Variants in PCDH15 observed in about 807,000 individuals in gnomAD.
The protein encoded by PCDH15 is protocadherin-15.
PCDH15 carries 129 observed loss-of-function variants against 178.5 expected under a neutral mutation model. The ratio of observed to expected loss-of-function variants is 0.72; its 90% CI spans 0.63 to 0.84. The LOEUF (loss-of-function observed/expected upper bound fraction) is 0.84. Among genes scored for constraint, PCDH15 ranks in the 40% least tolerant of loss-of-function variants. The probability of loss-of-function intolerance (pLI) is 0.00; values close to 1 mark genes in which losing one functional copy is unlikely to be tolerated. For missense variants in PCDH15, 2,230 were observed against 2,099.9 expected, an observed-to-expected ratio of 1.06 and a Z score of -1.21; for synonymous variants, 800 against 732.0, an observed-to-expected ratio of 1.09 and a Z score of -1.50.
At chr10:55,275,690 G>T (rs1240276197) in intron 1 of PCDH15, among the ~76,000 whole-genome samples, 4 of 148,058 alleles carry the variant, frequency 2.7e-5, no homozygotes, top group Non-Finnish European at 5.9e-5. Context: ...CTTGAAATCA[G>T]TAGGACTTGT....
chr10:55,359,775 T>TAA (rs1213299490), intron 2 of PCDH15, among the ~76,000 whole-genome samples: 122 of 147,194 alleles, frequency 8.3e-4, no homozygotes, highest in African/African-American at 2.7e-3. Flanking sequence ...CACACACATA[T>TAA]ATATATATAA....
intron 30 of PCDH15, chr10:53,831,095 A>G: frequency 1.3e-6 from 1 of 753,218 alleles, no homozygotes; most frequent in Middle Eastern, 2.3e-4. Flanking sequence ...AGACCGAATT[A>G]GAATCACAGG....
intron 1 of PCDH15, among the ~76,000 whole-genome samples, chr10:55,221,236 T>C (rs1840866851): frequency 6.6e-6 from 1 of 152,068 alleles, no homozygotes; most frequent in African/African-American, 2.4e-5. Context: ...GAATTCAGAA[T>C]GTGGTTGTCT....
At chr10:54,579,992 A>G (rs557288498) in intron 2 of PCDH15, among the ~76,000 whole-genome samples, 1 of 152,148 alleles carries the variant, frequency 6.6e-6, no homozygotes, top group African/African-American at 2.4e-5. Flanking sequence ...GAACATTTAC[A>G]GCACTAAGTG....
At chr10:54,489,817 A>T (rs531627286) in intron 3 of PCDH15, among the ~76,000 whole-genome samples, 7 of 152,186 alleles carry the variant, frequency 4.6e-5, no homozygotes, top group Non-Finnish European at 1.0e-4. Flanking sequence ...TGCCATAGCC[A>T]TTTAATTCTG....
At chr10:54,819,713 A>G (rs1953005908) in intron 3 of PCDH15, among the ~76,000 whole-genome samples, 1 of 152,030 alleles carries the variant, frequency 6.6e-6, no homozygotes, top group Admixed American at 6.6e-5. Context: ...AAATTACATT[A>G]AGCCATTACT....
chr10:55,515,592 C>T (rs1840993888), intron 2 of PCDH15, among the ~76,000 whole-genome samples: 1 of 151,668 alleles, frequency 6.6e-6, no homozygotes, highest in South Asian at 2.1e-4. Flanking sequence ...TTATGAAATT[C>T]ACAATTTAAG....
intron 2 of PCDH15, among the ~76,000 whole-genome samples, chr10:55,617,711 T>A (rs1843507621): frequency 6.6e-6 from 1 of 152,058 alleles, no homozygotes. Context: ...TTATCCTAAT[T>A]ATCTGTCTGA....
At chr10:55,591,306 G>A (rs2132132046) in intron 2 of PCDH15, among the ~76,000 whole-genome samples, 1 of 152,114 alleles carries the variant, frequency 6.6e-6, no homozygotes, top group South Asian at 2.1e-4. Context: ...ATAATGGTGT[G>A]CACCGATAGC....
intron 1 of PCDH15, among the ~76,000 whole-genome samples, chr10:54,724,213 A>G (rs11004503): frequency 0.047 from 7,152 of 151,760 alleles, 229 homozygotes; most frequent in Middle Eastern, 0.088. Context: ...GCCATTAAAA[A>G]GAATAAAATT....
chr10:54,421,889 CACACACTATATATATATAT>C (rs1333099354), intron 3 of PCDH15, among the ~76,000 whole-genome samples: 1 of 108,140 alleles, frequency 9.2e-6, no homozygotes, highest in Non-Finnish European at 1.9e-5. Flanking sequence ...TATATACACA[CACACACTATATATATATAT>C]ACACTATATA....
intron 28 of PCDH15, among the ~76,000 whole-genome samples, chr10:53,841,947 GAAA>G (rs539058922): frequency 9.9e-6 from 1 of 100,860 alleles, no homozygotes; most frequent in Non-Finnish European, 2.1e-5. Flanking sequence ...TCTCCAAAGG[GAAA>G]AAAAAAAAAA....
chr10:54,380,015 A>G (rs1565129713), intron 3 of PCDH15, among the ~76,000 whole-genome samples: 1 of 152,116 alleles, frequency 6.6e-6, no homozygotes, highest in Non-Finnish European at 1.5e-5. Flanking sequence ...ATTGGCCTAA[A>G]TGTTATACCG....
intron 26 of PCDH15, among the ~76,000 whole-genome samples, chr10:53,891,265 G>T (rs2081537444): frequency 6.6e-6 from 1 of 152,150 alleles, no homozygotes; most frequent in Non-Finnish European, 1.5e-5. Context: ...AAAATTCTGA[G>T]ATTTTCAAAG....
At position 53,804,421 on chromosome 10, in the gene PCDH15, C is replaced by T. The variant is rs1341342548; in HGVS notation, c.*2158G>A. 2 of 151,822 alleles carry T rather than the reference C, an allele frequency of 1.3e-5. No individual in the cohort carries two copies. The highest frequency in any genetic ancestry group is 4.8e-5 in the African/African-American group (2 of 41,372). 9.4% of individuals were successfully genotyped at this position (151,822 alleles called of 1,614,324 possible). A position where few individuals can be genotyped will look rare whatever the true frequency, so the allele number is the denominator to read the frequency against. On this transcript the variant is annotated 3_prime_UTR_variant, in exon 38 of 38. Transcript: ENST00000644397. ...GAGTCGCAAAACATTTGGTTGAATC[C>T]GTGTACCTAATTCCCATCTTAAGCT...
intron 3 of PCDH15, among the ~76,000 whole-genome samples, chr10:54,412,102 A>G (rs1443390002): frequency 1.3e-5 from 2 of 152,058 alleles, no homozygotes; most frequent in Non-Finnish European, 2.9e-5. Flanking sequence ...TGATGGGCAA[A>G]AGAGCCTGAG....
At chr10:54,584,268 C>T (rs1428144949) in intron 2 of PCDH15, among the ~76,000 whole-genome samples, 1 of 152,030 alleles carries the variant, frequency 6.6e-6, no homozygotes, top group Non-Finnish European at 1.5e-5. Flanking sequence ...GTAGTGCCCA[C>T]CTGTAGTCCT....
rs369324916 is a variant in PCDH15, at chr10:54,421,671, C to CAT, written c.158-42731_158-42730dup. The stretch of plus-strand genomic sequence containing the variant: ...TATGTACATGTGTAGTGTATATATA[C>CAT]ATATATATATATATATATATATACA... On this transcript the variant is annotated intron_variant, in intron 3 of 37. Transcript: ENST00000644397. Among the ~76,000 whole-genome samples, 884 of 109,914 alleles carry CAT rather than the reference C, an allele frequency of 8.0e-3. 13 individuals carry two copies. Among genetic ancestry groups the CAT allele is most frequent in the South Asian group, 0.043 (140 of 3,240 alleles). 72.1% of individuals were successfully genotyped at this position (109,914 alleles called of 152,430 possible). A position where few individuals can be genotyped will look rare whatever the true frequency, so the allele number is the denominator to read the frequency against.
chr10:54,834,172 T>C lies in PCDH15; in HGVS notation c.-29+63278A>G, dbSNP rs1031112216. ...CTACTACCTATCAAATAGTAAAATA[T>C]ATCTAATATTGTTTTTACTACCTTT... On this transcript the variant is annotated intron_variant, in intron 3 of 5. Transcript: ENST00000458638. Among the ~76,000 whole-genome samples the C allele has an allele frequency of 7.2e-5, 11 of 151,990 alleles. No homozygotes were observed. The East Asian group carries it at 1.9e-3, about 27-fold the overall frequency.
Sources: gnomAD v4.1 joint callset for allele counts (sites outside exome capture counted in the v4.1 genomes callset) on GRCh38, gnomAD v4.1.1 for gene constraint, MANE v1.5 for transcripts, NCBI Gene and HGNC (gene_info 2026-07-23, HGNC 2026-07-21) for gene names.